Variants in DPH6 observed in about 807,000 individuals in gnomAD.
DPH6 encodes the protein diphthine--ammonia ligase.
Under a neutral mutation model 38.2 loss-of-function variants are expected in DPH6, and 33 were observed. The ratio of observed to expected loss-of-function variants is 0.86; its 90% CI spans 0.65 to 1.15. The LOEUF is 1.15. Among genes scored for constraint, DPH6 ranks in the 50% most tolerant of loss-of-function variants. The probability of loss-of-function intolerance (pLI) is 0.00; values close to 1 mark genes in which losing one functional copy is unlikely to be tolerated. For synonymous variants in DPH6, 108 were observed against 103.0 expected (o/e 1.05, Z -0.30); for missense variants, 325 against 320.0 (o/e 1.02, Z -0.12).
At chr15:35,243,106 C>T (rs567741499) in intron 3 of DPH6, among the ~76,000 whole-genome samples, 1 of 142,300 alleles carries the variant, frequency 7.0e-6, no homozygotes, top group African/African-American at 2.5e-5. Context: ...CTGTTTTTCT[C>T]CTTCTCTTAT....
the DPH6 span, among the ~76,000 whole-genome samples, chr15:35,178,371 A>G: frequency 2.6e-5 from 4 of 152,230 alleles, no homozygotes; most frequent in African/African-American, 7.2e-5. Flanking sequence ...GCAGAAGGCA[A>G]TGAGAAGCAA....
At chr15:35,173,552 C>CTT in the DPH6 span, among the ~76,000 whole-genome samples, 2,048 of 150,048 alleles carry the variant, frequency 0.014, 21 homozygotes, top group Non-Finnish European at 0.019. Context: ...ATGTATCTGC[C>CTT]TTTTTTTTTC....
At chr15:35,353,107 C>G (rs977107556) in intron 3 of DPH6, among the ~76,000 whole-genome samples, 1 of 152,162 alleles carries the variant, frequency 6.6e-6, no homozygotes, top group Non-Finnish European at 1.5e-5. Flanking sequence ...ATGTCCTTCG[C>G]CCACTTTTTG....
At chr15:35,197,101 T>C in the DPH6 span, among the ~76,000 whole-genome samples, 1 of 152,180 alleles carries the variant, frequency 6.6e-6, no homozygotes, top group African/African-American at 2.4e-5. Flanking sequence ...CAAGGTATGT[T>C]AGCACACAAA....
rs2051702042 is a variant in DPH6, at chr15:35,255,532, T to TC, written n.201-34951dup. On this transcript the variant is annotated intron_variant and non_coding_transcript_variant, in intron 3 of 3. Transcript: ENST00000560386. ...GTTTTTTTTTCTTCAAAAAGCTGTT[T>TC]CCCCCCTGAGATAAATGTTACTTTA... Among the ~76,000 whole-genome samples, 12 of 152,250 alleles carry TC rather than the reference T, an allele frequency of 7.9e-5. No individual in the cohort carries two copies. In the South Asian group the frequency reaches 2.5e-3, roughly 32 times the overall value.
intron 3 of DPH6, among the ~76,000 whole-genome samples, chr15:35,360,938 C>T (rs2052609084): frequency 6.6e-6 from 1 of 152,116 alleles, no homozygotes; most frequent in Non-Finnish European, 1.5e-5. Context: ...CTTGGGTAGG[C>T]AGGACTTCTC....
intron 3 of DPH6, chr15:35,283,047 C>CCTT (rs550503966): frequency 1.1e-3 from 192 of 169,940 alleles, no homozygotes; most frequent in Non-Finnish European, 1.7e-3. Context: ...TCTTCTTCTT[C>CCTT]CTTCTTCTTC....
intron 3 of DPH6, among the ~76,000 whole-genome samples, chr15:35,233,926 T>A (rs575275970): frequency 6.6e-6 from 1 of 152,256 alleles, no homozygotes; most frequent in Non-Finnish European, 1.5e-5. Context: ...TCTGCTTCCC[T>A]GACTTTAAAT....
chr15:35,379,251 A>C (rs535708357), intron 7 of DPH6, among the ~76,000 whole-genome samples: 1 of 152,352 alleles, frequency 6.6e-6, no homozygotes, highest in South Asian at 2.1e-4. Flanking sequence ...ATAATCAAAT[A>C]AGTCTGCATG....
In DPH6 at chr15:35,373,582, G is replaced by C; in HGVS notation, c.689C>G (p.Ser230Ter). 6.2e-7 allele frequency: 1 copy of C among 1,609,004 alleles called. No individual in the cohort carries two copies. Residue 230 changes from serine to a stop codon, truncating the protein, a stop_gained, in exon 8 of 9, where the codon TCA (serine) becomes TGA (stop). Transcript: ENST00000256538. LOFTEE classifies it high-confidence loss of function. ...IVDSSEVVIH[S>*]ADAFAPVAYL... is the part of the protein sequence containing the mutation. ...AGCCACAGGTGCAAATGCATCAGCT[G>C]AATGTATGACTACTTCTGATGAATC...
intron 3 of DPH6, among the ~76,000 whole-genome samples, chr15:35,283,434 C>T (rs548381899): frequency 6.6e-6 from 1 of 151,918 alleles, no homozygotes; most frequent in East Asian, 1.9e-4. Flanking sequence ...GCAGCTGGGA[C>T]CACAGGCGCC....
At chr15:35,412,460 C>A (rs2053379235) in intron 5 of DPH6, among the ~76,000 whole-genome samples, 1 of 151,616 alleles carries the variant, frequency 6.6e-6, no homozygotes, top group Non-Finnish European at 1.5e-5. Flanking sequence ...ACTATACGAT[C>A]CAACTGTGGT....
At chr15:35,464,866 C>T (rs1307383211) in intron 3 of DPH6, among the ~76,000 whole-genome samples, 1 of 152,132 alleles carries the variant, frequency 6.6e-6, no homozygotes, top group Non-Finnish European at 1.5e-5. Flanking sequence ...TAAAATGTAC[C>T]CCATGTTGTG....
intron 3 of DPH6, among the ~76,000 whole-genome samples, chr15:35,529,099 T>C (rs750422369): frequency 2.0e-5 from 3 of 152,182 alleles, no homozygotes; most frequent in Non-Finnish European, 4.4e-5. Context: ...CATCCTCCAA[T>C]GTCTGTCATC....
intron 3 of DPH6, among the ~76,000 whole-genome samples, chr15:35,455,332 C>G (rs1249153166): frequency 1.3e-5 from 2 of 152,090 alleles, no homozygotes; most frequent in Non-Finnish European, 2.9e-5. Flanking sequence ...CAGTATAGCA[C>G]TGTAGATAAA....
At chr15:35,385,570 C>A (rs1221815217) in intron 6 of DPH6, among the ~76,000 whole-genome samples, 1 of 151,978 alleles carries the variant, frequency 6.6e-6, no homozygotes, top group East Asian at 2.0e-4. Flanking sequence ...ACAATGAGAA[C>A]ACATGGATAC....
chr15:35,284,532 C>T (rs1234136509), intron 3 of DPH6, among the ~76,000 whole-genome samples: 1 of 149,910 alleles, frequency 6.7e-6, no homozygotes, highest in Non-Finnish European at 1.5e-5. Context: ...ATTTATTTAC[C>T]TTATAACTTC....
intron 3 of DPH6, among the ~76,000 whole-genome samples, chr15:35,358,163 A>G (rs1218914462): frequency 1.3e-5 from 2 of 152,014 alleles, no homozygotes; most frequent in East Asian, 3.9e-4. Flanking sequence ...TACTTGTTCA[A>G]TTCTATTGCT....
intron 5 of DPH6, among the ~76,000 whole-genome samples, chr15:35,441,908 G>A (rs918540219): frequency 1.3e-5 from 2 of 152,086 alleles, no homozygotes; most frequent in Non-Finnish European, 2.9e-5. Context: ...ATATCTAAAT[G>A]TAAGAGCTAA....
Sources: gnomAD v4.1 joint callset for allele counts (sites outside exome capture counted in the v4.1 genomes callset) on GRCh38, gnomAD v4.1.1 for gene constraint, MANE v1.5 for transcripts, NCBI Gene and HGNC (gene_info 2026-07-23, HGNC 2026-07-21) for gene names.